INPP4A: variants seen among roughly 807,000 people sequenced by gnomAD.
The protein encoded by INPP4A is inositol polyphosphate-4-phosphatase, type I, 107kD.
Under a neutral mutation model 119.8 loss-of-function variants are expected in INPP4A, and 33 were observed. The observed-to-expected ratio is 0.28, with a 90% CI of 0.21 to 0.37. The LOEUF (loss-of-function observed/expected upper bound fraction) is 0.37. Among genes scored for constraint, INPP4A ranks in the 10% least tolerant of loss-of-function variants. The pLI is 1.00. For missense variants in INPP4A, 956 were observed against 1,289.9 expected, an observed-to-expected ratio of 0.74 and a Z score of 3.97; for synonymous variants, 496 against 500.7, an observed-to-expected ratio of 0.99 and a Z score of 0.12.
At chr2:98,568,518 G>A (rs1038412051) in intron 21 of INPP4A, 53 bp from the exon 22 acceptor site, 5 of 858,084 alleles carry the variant, frequency 5.8e-6, no homozygotes, top group African/African-American at 1.7e-5. Flanking sequence ...TTGTGTTCAT[G>A]TTAGAAGAAA....
intron 22 of INPP4A, among the ~76,000 whole-genome samples, chr2:98,572,228 C>T (rs1446334061): frequency 3.3e-5 from 5 of 152,194 alleles, no homozygotes; most frequent in African/African-American, 1.2e-4. Context: ...GGTAAGGTGA[C>T]CTGATGGATC....
At chr2:98,479,495 A>G (rs1677961712) in intron 1 of INPP4A, among the ~76,000 whole-genome samples, 1 of 152,128 alleles carries the variant, frequency 6.6e-6, no homozygotes, top group African/African-American at 2.4e-5. Flanking sequence ...CAGCCATGGG[A>G]AACAGAGTTT....
intron 14 of INPP4A, among the ~76,000 whole-genome samples, chr2:98,553,551 T>C (rs962619899): frequency 2.0e-5 from 3 of 150,626 alleles, no homozygotes; most frequent in African/African-American, 7.5e-5. Flanking sequence ...ACAAACACGC[T>C]CTCATACACA....
At chr2:98,575,493 C>T (rs1054858668) in intron 23 of INPP4A, among the ~76,000 whole-genome samples, 26 of 152,358 alleles carry the variant, frequency 1.7e-4, no homozygotes, top group Non-Finnish European at 4.4e-5. Flanking sequence ...AATTTACTCT[C>T]CATTAGCTTA....
At chr2:98,501,769 G>T (rs773561576) in intron 1 of INPP4A, among the ~76,000 whole-genome samples, 2 of 152,228 alleles carry the variant, frequency 1.3e-5, no homozygotes, top group Non-Finnish European at 2.9e-5. Context: ...GATTTCCCTG[G>T]AATTTGATAA....
rs377585816 is a variant in INPP4A, at chr2:98,566,178, C to T, written c.2420+9C>T. ...CAGACACTGGCCGAGAGGTGCGTGC[C>T]GGCTCCTCGGGGCTGCGGGGGTGTG... is the stretch of plus-strand genomic sequence containing the variant. On this transcript the variant is annotated intron_variant, in intron 21 of 24. Transcript: ENST00000409851. The surrounding 1 kb of genome is among the most constrained non-coding windows in gnomAD (Gnocchi z 4.2). 80 of 1,578,134 alleles carry T rather than the reference C, an allele frequency of 5.1e-5. No homozygotes were observed. Among genetic ancestry groups the T allele is most frequent in the Non-Finnish European group, 6.2e-5 (72 of 1,158,304 alleles).
intron 1 of INPP4A, among the ~76,000 whole-genome samples, chr2:98,509,923 CAT>C (rs1438568073): frequency 6.6e-6 from 1 of 152,168 alleles, no homozygotes; most frequent in Non-Finnish European, 1.5e-5. Context: ...CCAAGAAGGA[CAT>C]AAAAGAAGTG....
intron 1 of INPP4A, among the ~76,000 whole-genome samples, chr2:98,466,479 G>A (rs563555514): frequency 5.8e-4 from 89 of 152,346 alleles, no homozygotes; most frequent in African/African-American, 1.9e-3. Context: ...ACTAAGCGTC[G>A]TTGCTGTGCT....
intron 24 of INPP4A, among the ~76,000 whole-genome samples, chr2:98,584,711 TG>T (rs1021749163): frequency 6.6e-6 from 1 of 152,254 alleles, no homozygotes; most frequent in Non-Finnish European, 1.5e-5. Flanking sequence ...CCTGTGCACT[TG>T]GAGAGCTAGC....
intron 1 of INPP4A, among the ~76,000 whole-genome samples, chr2:98,446,009 C>T (rs1449826974): frequency 6.6e-6 from 1 of 152,170 alleles, no homozygotes; most frequent in African/African-American, 2.4e-5. Context: ...TTGGGTGTTG[C>T]AGAGAAATTC....
intron 9 of INPP4A, 92 bp downstream of exon 9, chr2:98,539,073 C>A (rs1690888650): frequency 1.5e-6 from 1 of 659,552 alleles, no homozygotes; most frequent in Non-Finnish European, 2.7e-6. Context: ...CTGCGATTGT[C>A]CCAGCCATGC....
chr2:98,522,280 C>CT (rs1687356432), intron 4 of INPP4A, among the ~76,000 whole-genome samples: 2 of 139,892 alleles, frequency 1.4e-5, no homozygotes, highest in African/African-American at 5.3e-5. Context: ...GAGCGAGACT[C>CT]TGTCTCAAAA....
chr2:98,539,628 C>G lies in INPP4A; in HGVS notation c.771C>G (p.His257Gln), dbSNP rs781432748. The change falls in exon 10 of 25, where the codon CAC (histidine) becomes CAG (glutamine). Residue 257 changes from histidine to glutamine, a missense_variant. His to Gln is a conservative substitution (Grantham distance 24). This residue lies in a region of INPP4A where 652 missense variants were observed against 797.9 expected (regional missense o/e 0.82). Coordinates refer to ENST00000409851, the MANE Select transcript of INPP4A (RefSeq NM_001134225.2). The stretch of plus-strand genomic sequence containing the variant: ...TGGCAGAGAGCGTGCTCTCCCTGCA[C>G]GTGCCCCGGCAGTTCGTGAAGCTCC... ...EQMAESVLSLHVPRQFVKLLL... is the reference protein window; with the variant it reads ...EQMAESVLSLQVPRQFVKLLL... 6.2e-7 allele frequency: 1 copy of G among 1,610,910 alleles called. No homozygotes were observed.
chr2:98,454,293 G>A (rs1695717587), intron 1 of INPP4A, among the ~76,000 whole-genome samples: 1 of 152,202 alleles, frequency 6.6e-6, no homozygotes, highest in African/African-American at 2.4e-5. Flanking sequence ...CCCAAGGCTG[G>A]CTTAGAGTCA....
intron 17 of INPP4A, among the ~76,000 whole-genome samples, chr2:98,563,080 G>A (rs1219137602): frequency 6.6e-6 from 1 of 152,222 alleles, no homozygotes; most frequent in Non-Finnish European, 1.5e-5. Context: ...TCCGGGTGGA[G>A]GTGCTACAGG....
chr2:98,467,420 T>G (rs1190442944), intron 1 of INPP4A, among the ~76,000 whole-genome samples: 1 of 152,216 alleles, frequency 6.6e-6, no homozygotes, highest in Non-Finnish European at 1.5e-5. Flanking sequence ...CACTGTTAAC[T>G]TGGTCTCTAC....
chr2:98,481,078 GTTC>G (rs1678333406), intron 1 of INPP4A, among the ~76,000 whole-genome samples: 3 of 152,352 alleles, frequency 2.0e-5, no homozygotes, highest in Middle Eastern at 3.4e-3. Context: ...TGTGCTTCAA[GTTC>G]TTCTGCTAGT....
Position 98,546,119 on chromosome 2 carries a change from T to A in INPP4A, c.1054+46T>A. 2 of 1,348,416 alleles carry A rather than the reference T, an allele frequency of 1.5e-6. No homozygotes were observed. The allele number at this position is 1,348,416 out of a possible 1,614,324, so 83.5% of individuals were successfully genotyped here. ...TCTTGTTGAATCACATTTCGCTGCTTTTCTCTGTGGGTACTTGGTCCCTGA... is the reference window on the plus strand; with the variant it reads ...TCTTGTTGAATCACATTTCGCTGCTATTCTCTGTGGGTACTTGGTCCCTGA... On this transcript the variant is annotated intron_variant, in intron 12 of 24. Coordinates refer to ENST00000409851, the MANE Select transcript of INPP4A (RefSeq NM_001134225.2). This position sits in a 1 kb window ranked among gnomAD's most constrained non-coding sequence, Gnocchi z 4.2.
chr2:98,579,982 T>C (rs576296899), intron 24 of INPP4A, among the ~76,000 whole-genome samples: 1 of 152,384 alleles, frequency 6.6e-6, no homozygotes, highest in East Asian at 1.9e-4. Context: ...TCTGAGGCTC[T>C]TGTCACAGGC....
Sources: gnomAD v4.1 joint callset for allele counts (sites outside exome capture counted in the v4.1 genomes callset) on GRCh38, gnomAD v4.1.1 for gene constraint, gnomAD v4.1.1 regional missense constraint, Gnocchi (gnomAD v3.1) non-coding constraint, MANE v1.5 for transcripts, NCBI Gene and HGNC (gene_info 2026-07-23, HGNC 2026-07-21) for gene names.